The following RORB variants were observed in gnomAD, a reference collection of about 807,000 sequenced individuals.
RORB encodes nuclear receptor ROR-beta.
A neutral mutation model predicts 59.1 loss-of-function variants in RORB; 6 were observed. That is an observed-to-expected ratio of 0.10 (90% CI 0.06 to 0.20). The LOEUF is 0.20. Ranked by LOEUF, RORB falls within the 10% of genes least tolerant of loss-of-function variation. The pLI is 1.00. For synonymous variants in RORB, 215 were observed against 204.5 expected (o/e 1.05, Z -0.44); for missense variants, 320 against 560.5 (o/e 0.57, Z 4.33).
At chr9:74,685,421 A>G in intron 9 of RORB, 42 bp from the exon 10 acceptor site, 1 of 1,534,698 alleles carries the variant, frequency 6.5e-7, no homozygotes, top group South Asian at 1.2e-5. Context: ...AGCACTAATG[A>G]GCTTCCCTCT....
At chr9:74,584,225 T>C (rs1159299846) in intron 1 of RORB, among the ~76,000 whole-genome samples, 1 of 152,246 alleles carries the variant, frequency 6.6e-6, no homozygotes, top group Non-Finnish European at 1.5e-5. Context: ...GGTTTTGTTG[T>C]AGCTTTTTTA....
At chr9:74,601,924 A>G (rs1823063647) in intron 1 of RORB, among the ~76,000 whole-genome samples, 1 of 152,228 alleles carries the variant, frequency 6.6e-6, no homozygotes, top group African/African-American at 2.4e-5. Flanking sequence ...GACATTGGCT[A>G]CAGTGACAAG....
chr9:74,529,232 T>G (rs560267153), intron 1 of RORB, among the ~76,000 whole-genome samples: 36 of 152,010 alleles, frequency 2.4e-4, no homozygotes, highest in Non-Finnish European at 2.9e-5. Context: ...AAAGTTTGAT[T>G]TGTTATAGAA....
rs555331116 is a variant in RORB, at chr9:74,545,307, C to T, written c.7+47324C>T. Among the ~76,000 whole-genome samples, 4 of 152,180 alleles carry T rather than the reference C, an allele frequency of 2.6e-5. No homozygotes were observed. The East Asian group carries it at 5.8e-4, about 22-fold the overall frequency. On this transcript the variant is annotated intron_variant, in intron 1 of 9. Transcript: ENST00000376896. ...ATTTCAGTCATGGGGATTTGGAGCA[C>T]GTTGGTAGTTCTAGTTGGAGTAAGA...
chr9:74,557,654 A>G (rs754438533), intron 1 of RORB, among the ~76,000 whole-genome samples: 24 of 152,078 alleles, frequency 1.6e-4, no homozygotes, highest in Non-Finnish European at 3.1e-4. Context: ...AGATCCCACT[A>G]TCATTGTTAA....
At chr9:74,540,833 A>AT (rs1370237626) in intron 1 of RORB, among the ~76,000 whole-genome samples, 1 of 152,184 alleles carries the variant, frequency 6.6e-6, no homozygotes, top group African/African-American at 2.4e-5. Flanking sequence ...AATTTTCAAA[A>AT]GTGAGATTGC....
At chr9:74,630,405 T>G (rs764817870) in intron 2 of RORB, 38 bp downstream of exon 2, 4 of 1,535,062 alleles carry the variant, frequency 2.6e-6, no homozygotes, top group Admixed American at 3.5e-5. Context: ...TGTATTTGCC[T>G]CAGGCATCTG....
chr9:74,559,059 C>G (rs1484916125), intron 1 of RORB, among the ~76,000 whole-genome samples: 1 of 152,102 alleles, frequency 6.6e-6, no homozygotes, highest in Non-Finnish European at 1.5e-5. Context: ...GCATGGTTGT[C>G]CACTTTAAAA....
At chr9:74,584,510 A>G (rs563500910) in intron 1 of RORB, among the ~76,000 whole-genome samples, 1 of 152,154 alleles carries the variant, frequency 6.6e-6, no homozygotes, top group Non-Finnish European at 1.5e-5. Flanking sequence ...TTAGTTTCTT[A>G]TTATTTCTGC....
chr9:74,671,556 T>C (rs1824345994), intron 8 of RORB, among the ~76,000 whole-genome samples: 1 of 152,238 alleles, frequency 6.6e-6, no homozygotes, highest in Non-Finnish European at 1.5e-5. Context: ...GTAGATTATC[T>C]GAACCATTGT....
chr9:74,663,024 A>C (rs1185086555), intron 6 of RORB, among the ~76,000 whole-genome samples: 2 of 151,554 alleles, frequency 1.3e-5, no homozygotes, highest in Non-Finnish European at 2.9e-5. Context: ...TGCAGCCAGT[A>C]TACACCAGGA....
At chr9:74,682,434 A>T (rs1490352540) in intron 9 of RORB, among the ~76,000 whole-genome samples, 1 of 145,518 alleles carries the variant, frequency 6.9e-6, no homozygotes, top group Non-Finnish European at 1.5e-5. Context: ...AAAGTATAAT[A>T]AAAAAAAAAA....
chr9:74,576,314 C>T (rs2118241475), intron 1 of RORB, among the ~76,000 whole-genome samples: 1 of 152,220 alleles, frequency 6.6e-6, no homozygotes, highest in African/African-American at 2.4e-5. Context: ...CTGTCTGTAA[C>T]AGCTAATCAC....
In RORB at chr9:74,602,685, A is replaced by T. The variant is rs1471858559; in HGVS notation, c.8-27597A>T. 2.0e-5 allele frequency among the ~76,000 whole-genome samples: 3 copies of T among 152,280 alleles called. No homozygotes were observed. The East Asian group carries it at 5.8e-4, about 29-fold the overall frequency. Reference sequence around the variant, plus strand: ...GTAGCACCTTTCTCCCCCAAAAGAAATCCCACACTTAGTTGGCAAATCCTT... The same window carrying T: ...GTAGCACCTTTCTCCCCCAAAAGAATTCCCACACTTAGTTGGCAAATCCTT... On this transcript the variant is annotated intron_variant, in intron 1 of 9. Transcript: ENST00000376896.
chr9:74,599,781 T>C (rs1355144580), intron 1 of RORB, among the ~76,000 whole-genome samples: 1 of 152,192 alleles, frequency 6.6e-6, no homozygotes, highest in Non-Finnish European at 1.5e-5. Flanking sequence ...CTGTTTTACT[T>C]GCCCCATACC....
chr9:74,592,697 C>A (rs1252068568), intron 1 of RORB, among the ~76,000 whole-genome samples: 1 of 152,088 alleles, frequency 6.6e-6, no homozygotes, highest in African/African-American at 2.4e-5. Flanking sequence ...CAGGTACTAT[C>A]AAAATTTGGG....
chr9:74,569,036 G>A (rs774512060), intron 1 of RORB, among the ~76,000 whole-genome samples: 27 of 151,974 alleles, frequency 1.8e-4, no homozygotes, highest in Non-Finnish European at 3.4e-4. Context: ...TAAGGTTTTT[G>A]TTAGCTGAAC....
At chr9:74,656,600 G>A (rs1226530158) in intron 4 of RORB, among the ~76,000 whole-genome samples, 1 of 152,120 alleles carries the variant, frequency 6.6e-6, no homozygotes, top group African/African-American at 2.4e-5. Flanking sequence ...GCCAGGTGTG[G>A]TGGTACCCAC....
At chr9:74,550,368 T>G (rs1826588168) in intron 1 of RORB, among the ~76,000 whole-genome samples, 1 of 152,210 alleles carries the variant, frequency 6.6e-6, no homozygotes, top group East Asian at 1.9e-4. Context: ...TTCTTAACTT[T>G]GACCACAAAT....
Sources: allele counts gnomAD v4.1 joint callset (sites outside exome capture counted in the v4.1 genomes callset), GRCh38; gene constraint gnomAD v4.1.1; transcripts MANE v1.5; gene names NCBI Gene and HGNC (gene_info 2026-07-23, HGNC 2026-07-21).